Variants in ZNF804B observed in about 807,000 individuals in gnomAD.
ZNF804B encodes the protein zinc finger 804B.
A neutral mutation model predicts 101.4 loss-of-function variants in ZNF804B; 80 were observed. The ratio of observed to expected loss-of-function variants is 0.79; its 90% confidence interval spans 0.66 to 0.95. The LOEUF (loss-of-function observed/expected upper bound fraction) is 0.95, where lower values mean the gene tolerates loss of function less well. ZNF804B is among the 40% of genes least tolerant of loss of function. The probability of loss-of-function intolerance (pLI) is 0.00; values close to 1 mark genes in which losing one functional copy is unlikely to be tolerated. For synonymous variants in ZNF804B, 622 were observed against 558.8 expected (o/e 1.11, Z -1.59); for missense variants, 1,673 against 1,561.9 (o/e 1.07, Z -1.20).
intron 2 of ZNF804B, among the ~76,000 whole-genome samples, chr7:89,253,942 TA>T (rs1562928924): frequency 6.6e-6 from 1 of 152,196 alleles, no homozygotes; most frequent in East Asian, 1.9e-4. Flanking sequence ...TAATATTCAA[TA>T]TCCATTCAGA....
chr7:89,181,345 G>A (rs1005812826), intron 1 of ZNF804B, among the ~76,000 whole-genome samples: 2 of 152,096 alleles, frequency 1.3e-5, no homozygotes, highest in African/African-American at 4.8e-5. Flanking sequence ...CCATGTTGAC[G>A]GGGCTAGCCA....
At chr7:88,860,404 G>A (rs994665041) in intron 1 of ZNF804B, among the ~76,000 whole-genome samples, 7 of 152,052 alleles carry the variant, frequency 4.6e-5, no homozygotes, top group Non-Finnish European at 1.5e-5. Context: ...GATACAATAA[G>A]TGAATTAAAA....
chr7:89,027,234 GA>G (rs1483404442), intron 1 of ZNF804B, among the ~76,000 whole-genome samples: 1 of 151,654 alleles, frequency 6.6e-6, no homozygotes, highest in Non-Finnish European at 1.5e-5. Flanking sequence ...AAATGCTGCA[GA>G]AAAAAAGCCA....
At chr7:89,278,728 G>A (rs1790030284) in intron 2 of ZNF804B, among the ~76,000 whole-genome samples, 4 of 149,800 alleles carry the variant, frequency 2.7e-5, no homozygotes, top group African/African-American at 7.4e-5. Flanking sequence ...TTTGGTACCA[G>A]TACCATGCTG....
At chr7:89,277,731 T>G (rs948765893) in intron 2 of ZNF804B, among the ~76,000 whole-genome samples, 1 of 151,914 alleles carries the variant, frequency 6.6e-6, no homozygotes, top group African/African-American at 2.4e-5. Context: ...TGCCACATTT[T>G]CTTAATCCCA....
chr7:89,033,822 A>T (rs1249315828), intron 1 of ZNF804B, among the ~76,000 whole-genome samples: 1 of 152,114 alleles, frequency 6.6e-6, no homozygotes, highest in Non-Finnish European at 1.5e-5. Flanking sequence ...ATTAATAAAT[A>T]GGTGAAAGGT....
At chr7:89,009,026 T>C (rs1788412711) in intron 1 of ZNF804B, among the ~76,000 whole-genome samples, 1 of 152,164 alleles carries the variant, frequency 6.6e-6, no homozygotes, top group Non-Finnish European at 1.5e-5. Flanking sequence ...TATCCTAATT[T>C]GCTGCTTCCA....
chr7:89,123,798 G>C (rs919873329), intron 1 of ZNF804B, among the ~76,000 whole-genome samples: 1 of 152,112 alleles, frequency 6.6e-6, no homozygotes, highest in Non-Finnish European at 1.5e-5. Flanking sequence ...AATACAAGTA[G>C]TAATTGGTTT....
chr7:89,183,215 G>A (rs970610283), intron 1 of ZNF804B, among the ~76,000 whole-genome samples: 5 of 152,070 alleles, frequency 3.3e-5, no homozygotes, highest in Admixed American at 2.0e-4. Context: ...GTAATAATGA[G>A]TCATAAACCT....
intron 1 of ZNF804B, among the ~76,000 whole-genome samples, chr7:89,030,195 G>T (rs1161487801): frequency 6.6e-6 from 1 of 152,122 alleles, no homozygotes; most frequent in Non-Finnish European, 1.5e-5. Flanking sequence ...GGATCAGCCT[G>T]TGTGAAAAGC....
At chr7:89,328,491 G>A (rs1360745894) in intron 3 of ZNF804B, among the ~76,000 whole-genome samples, 1 of 151,952 alleles carries the variant, frequency 6.6e-6, no homozygotes, top group Non-Finnish European at 1.5e-5. Flanking sequence ...ATACAAAAAT[G>A]CATGCTCTGG....
chr7:89,176,332 G>C (rs1791317399), intron 1 of ZNF804B, among the ~76,000 whole-genome samples: 1 of 151,786 alleles, frequency 6.6e-6, no homozygotes, highest in Non-Finnish European at 1.5e-5. Flanking sequence ...GAAATGTCTT[G>C]TCAGTATCAG....
intron 1 of ZNF804B, among the ~76,000 whole-genome samples, chr7:89,077,928 A>G (rs979584629): frequency 6.6e-6 from 1 of 152,014 alleles, no homozygotes; most frequent in African/African-American, 2.4e-5. Flanking sequence ...TATTGTGCTC[A>G]CTCTTATTCA....
Position 89,333,227 on chromosome 7 carries a change from A to G in ZNF804B, c.381-136A>G, listed in dbSNP as rs529710136. ...ATTTATGCTAAGCTATATAAGGACA[A>G]CAAAAGGTTATGTTTTAGAAGATGT... On this transcript the variant is annotated intron_variant, in intron 3 of 3. Transcript: ENST00000333190. The G allele has an allele frequency of 6.9e-5, 60 of 872,610 alleles. No individual in the cohort carries two copies. The East Asian group carries it at 1.4e-3, about 20-fold the overall frequency. 54.1% of individuals were successfully genotyped at this position (872,610 alleles called of 1,614,324 possible). A position where few individuals can be genotyped will look rare whatever the true frequency, so the allele number is the denominator to read the frequency against.
intron 2 of ZNF804B, among the ~76,000 whole-genome samples, chr7:89,272,134 C>T (rs1440052002): frequency 6.6e-6 from 1 of 152,002 alleles, no homozygotes; most frequent in Non-Finnish European, 1.5e-5. Context: ...ATTCTCCCAA[C>T]ATATCATTCT....
intron 1 of ZNF804B, among the ~76,000 whole-genome samples, chr7:89,078,640 A>ATTTT (rs35025345): frequency 7.3e-6 from 1 of 137,322 alleles, no homozygotes; most frequent in African/African-American, 2.7e-5. Context: ...GTCTAACACG[A>ATTTT]TTTTTTTTTT....
chr7:88,983,036 C>A (rs1793714464), intron 1 of ZNF804B, among the ~76,000 whole-genome samples: 2 of 151,972 alleles, frequency 1.3e-5, no homozygotes, highest in Non-Finnish European at 2.9e-5. Flanking sequence ...TCCAAAAATC[C>A]TCCTTATAAA....
chr7:88,790,333 T>G (rs1586903320), intron 1 of ZNF804B, among the ~76,000 whole-genome samples: 1 of 152,050 alleles, frequency 6.6e-6, no homozygotes, highest in African/African-American at 2.4e-5. Context: ...CGTAGGTAAA[T>G]GTATGCCATG....
chr7:88,762,422 G>A lies in ZNF804B; in HGVS notation c.108+2338G>A, dbSNP rs1789911961. Among the ~76,000 whole-genome samples the A allele has an allele frequency of 2.0e-5, 3 of 152,120 alleles. No homozygotes were observed. In the South Asian group the frequency reaches 6.2e-4, roughly 31 times the overall value. ...CATAACACTTAGCCTTTCTCCCTAA[G>A]GTGAAGTGGATCACTACCTTCTGGA... On this transcript the variant is annotated intron_variant, in intron 1 of 3. Transcript: ENST00000333190.
Sources: gnomAD v4.1 joint callset for allele counts (sites outside exome capture counted in the v4.1 genomes callset) on GRCh38, gnomAD v4.1.1 for gene constraint, MANE v1.5 for transcripts, NCBI Gene and HGNC (gene_info 2026-07-23, HGNC 2026-07-21) for gene names.